KLHL1: variants seen among roughly 807,000 people sequenced by gnomAD.
KLHL1 encodes kelch-like protein 1.
A neutral mutation model predicts 77.7 loss-of-function variants in KLHL1; 47 were observed. That is an observed-to-expected ratio of 0.60 (90% CI 0.48 to 0.77). The LOEUF (loss-of-function observed/expected upper bound fraction) is 0.77, where lower values mean the gene tolerates loss of function less well. KLHL1 is among the 30% of genes least tolerant of loss of function. The pLI, the probability that KLHL1 is intolerant of heterozygous loss-of-function variation, is 0.00. For synonymous variants in KLHL1, 360 were observed against 325.2 expected, an observed-to-expected ratio of 1.11 and a Z score of -1.15; for missense variants, 925 against 910.8, an observed-to-expected ratio of 1.02 and a Z score of -0.20.
chr13:69,908,008 G>T (rs1237341999), intron 4 of KLHL1, among the ~76,000 whole-genome samples: 1 of 151,988 alleles, frequency 6.6e-6, no homozygotes, highest in Non-Finnish European at 1.5e-5. Context: ...ATTTCAGGAG[G>T]TGGGATGAAT....
rs1057274613 is a variant in KLHL1 at position 69,999,297 on chromosome 13, G to C, written c.498-23495C>G. Among the ~76,000 whole-genome samples the C allele has an allele frequency of 2.2e-4, 33 of 151,850 alleles. 1 individual carries two copies. The highest frequency in any genetic ancestry group is 8.0e-4 in the African/African-American group (33 of 41,378). On this transcript the variant is annotated intron_variant, in intron 1 of 10. Coordinates refer to ENST00000377844, the MANE Select transcript of KLHL1 (RefSeq NM_020866.3). ...GGGCTTAAATGAGAGCATGATTACC[G>C]GAAGGCGAAGATCATCGGTGGTCAC... is the stretch of plus-strand genomic sequence containing the variant.
chr13:69,800,030 C>G (rs1253010289), intron 6 of KLHL1, among the ~76,000 whole-genome samples: 2 of 152,104 alleles, frequency 1.3e-5, no homozygotes, highest in African/African-American at 2.4e-5. Flanking sequence ...GAAACCAACC[C>G]CCACTCTCCG....
chr13:69,745,439 T>G (rs1437270354), intron 7 of KLHL1, among the ~76,000 whole-genome samples: 1 of 152,036 alleles, frequency 6.6e-6, no homozygotes, highest in Non-Finnish European at 1.5e-5. Context: ...CTTTTTCCAC[T>G]GTGAGGCTTG....
chr13:70,045,375 CA>C (rs1311850204), intron 1 of KLHL1, among the ~76,000 whole-genome samples: 1 of 152,082 alleles, frequency 6.6e-6, no homozygotes, highest in African/African-American at 2.4e-5. Flanking sequence ...ACAGATTCTA[CA>C]GGTATTTTTT....
At chr13:69,870,006 T>C (rs1352784680) in intron 5 of KLHL1, among the ~76,000 whole-genome samples, 1 of 152,178 alleles carries the variant, frequency 6.6e-6, no homozygotes, top group Non-Finnish European at 1.5e-5. Flanking sequence ...TTTGTTCTCC[T>C]TTAGTAAATT....
At chr13:70,006,116 C>T (rs1885399188) in intron 1 of KLHL1, among the ~76,000 whole-genome samples, 1 of 151,988 alleles carries the variant, frequency 6.6e-6, no homozygotes, top group Admixed American at 6.6e-5. Flanking sequence ...TAGTATTTGT[C>T]CCTCTTTGTC....
intron 7 of KLHL1, among the ~76,000 whole-genome samples, chr13:69,752,436 TATATTA>T (rs1251510592): frequency 6.6e-6 from 1 of 152,152 alleles, no homozygotes; most frequent in Non-Finnish European, 1.5e-5. Flanking sequence ...TTTTGTTAAT[TATATTA>T]ATATGTATCA....
rs75260092 is a variant in KLHL1, at chr13:69,836,215, G to A, written c.1414+2761C>T. 2.6e-5 allele frequency among the ~76,000 whole-genome samples: 4 copies of A among 152,100 alleles called. No homozygotes were observed. The East Asian group carries it at 7.8e-4, about 30-fold the overall frequency. On this transcript the variant is annotated intron_variant, in intron 6 of 10. Coordinates refer to ENST00000377844, the MANE Select transcript of KLHL1 (RefSeq NM_020866.3). Reference sequence around the variant, plus strand: ...GCTGAGGCCTCTGGGCAGTCTGATGGGGCTGAAAAGACACAAATTGCAGCT... The same window carrying A: ...GCTGAGGCCTCTGGGCAGTCTGATGAGGCTGAAAAGACACAAATTGCAGCT...
chr13:70,061,335 A>T (rs957263382), intron 1 of KLHL1, among the ~76,000 whole-genome samples: 1 of 122,052 alleles, frequency 8.2e-6, no homozygotes, highest in Non-Finnish European at 2.0e-5. Context: ...GCAGTCCTGA[A>T]TTCCATTTTT....
intron 1 of KLHL1, among the ~76,000 whole-genome samples, chr13:70,055,624 GAAT>G (rs1002932517): frequency 1.3e-5 from 2 of 152,062 alleles, no homozygotes; most frequent in Non-Finnish European, 2.9e-5. Flanking sequence ...GACATAGGTA[GAAT>G]AATAAGACAT....
chr13:69,909,444 A>G (rs1273680534), intron 4 of KLHL1, among the ~76,000 whole-genome samples: 1 of 152,028 alleles, frequency 6.6e-6, no homozygotes, highest in Non-Finnish European at 1.5e-5. Flanking sequence ...TTTGAAGCAA[A>G]GAAAAGAAAG....
intron 7 of KLHL1, among the ~76,000 whole-genome samples, chr13:69,772,632 G>C (rs960609127): frequency 2.6e-5 from 4 of 152,074 alleles, no homozygotes; most frequent in Non-Finnish European, 5.9e-5. Context: ...TCTCTAAAAA[G>C]TGTCTTACTT....
At chr13:69,935,223 A>ACATAGTTCACCCACTGGTGAACTTGTAC (rs1883145911) in intron 4 of KLHL1, among the ~76,000 whole-genome samples, 5 of 142,468 alleles carry the variant, frequency 3.5e-5, no homozygotes, top group Non-Finnish European at 6.1e-5. Context: ...TGAACTTGGT[A>ACATAGTTCACCCACTGGTGAACTTGTAC]CATAGTTCAC....
intron 4 of KLHL1, among the ~76,000 whole-genome samples, chr13:69,900,661 A>G (rs1881821993): frequency 6.6e-6 from 1 of 152,184 alleles, no homozygotes; most frequent in South Asian, 2.1e-4. Flanking sequence ...TGGCCAACAT[A>G]ATTTGGAAGA....
intron 4 of KLHL1, among the ~76,000 whole-genome samples, chr13:69,905,250 T>C (rs1010855809): frequency 6.6e-6 from 1 of 152,132 alleles, no homozygotes; most frequent in Admixed American, 6.5e-5. Flanking sequence ...TGCTTGTATG[T>C]AGTAACGATG....
intron 8 of KLHL1, among the ~76,000 whole-genome samples, chr13:69,723,000 C>G (rs74477296): frequency 0.089 from 13,537 of 151,996 alleles, 832 homozygotes; most frequent in African/African-American, 0.17. Context: ...GCCATAAAAA[C>G]AATAAACTCC....
chr13:69,885,880 G>A (rs1881198223), intron 4 of KLHL1, among the ~76,000 whole-genome samples: 1 of 152,176 alleles, frequency 6.6e-6, no homozygotes, highest in Admixed American at 6.5e-5. Flanking sequence ...AGCTTTTCAA[G>A]TGGACCTAAA....
chr13:69,989,592 A>T (rs937820115), intron 1 of KLHL1, among the ~76,000 whole-genome samples: 1 of 151,948 alleles, frequency 6.6e-6, no homozygotes, highest in Non-Finnish European at 1.5e-5. Context: ...CTATCCAAGG[A>T]TATGAAATAT....
chr13:69,859,258 CT>C (rs34612932), intron 5 of KLHL1, among the ~76,000 whole-genome samples: 54,041 of 143,336 alleles, frequency 0.38, 11,175 homozygotes, highest in African/African-American at 0.59. Context: ...CCATTTTGCA[CT>C]TTTTTTTTTT....
Sources: gnomAD v4.1 joint callset for allele counts (sites outside exome capture counted in the v4.1 genomes callset) on GRCh38, gnomAD v4.1.1 for gene constraint, MANE v1.5 for transcripts, NCBI Gene and HGNC (gene_info 2026-07-23, HGNC 2026-07-21) for gene names.